The following FANCD2 variants were observed in gnomAD, a reference collection of about 807,000 sequenced individuals.
FANCD2 encodes the protein FA complementation group D2.
Under a neutral mutation model 192.3 loss-of-function variants are expected in FANCD2, and 131 were observed. The ratio of observed to expected loss-of-function variants is 0.68; its 90% CI spans 0.59 to 0.79. FANCD2 has a LOEUF of 0.79. Among genes scored for constraint, FANCD2 ranks in the 30% least tolerant of loss-of-function variants. The pLI is 0.00. For missense variants in FANCD2, 1,508 were observed against 1,701.6 expected, an observed-to-expected ratio of 0.89 and a Z score of 2.00; for synonymous variants, 524 against 612.5, an observed-to-expected ratio of 0.86 and a Z score of 2.13.
chr3:10,097,534 G>A (rs35734930), intron 42 of FANCD2, among the ~76,000 whole-genome samples: 259 of 152,278 alleles, frequency 1.7e-3, no homozygotes, highest in African/African-American at 5.9e-3. Context: ...TGTTCCGCCC[G>A]GCTCACCGGC....
intron 3 of FANCD2, among the ~76,000 whole-genome samples, chr3:10,034,074 C>G (rs2086668435): frequency 6.7e-6 from 1 of 150,158 alleles, no homozygotes; most frequent in Admixed American, 6.6e-5. Flanking sequence ...CCTGTAATCC[C>G]AGCACTTGGG....
chr3:10,070,517 C>T (rs1361294873), intron 26 of FANCD2, among the ~76,000 whole-genome samples: 1 of 119,876 alleles, frequency 8.3e-6, no homozygotes, highest in Non-Finnish European at 1.7e-5. Flanking sequence ...GGGGGTCAGC[C>T]CCCTGTCCGG....
Position 10,092,092 on chromosome 3 carries a change from T to C in FANCD2, c.3778-89T>C. On this transcript the variant is annotated intron_variant, in intron 37 of 43. Coordinates refer to ENST00000675286, the MANE Select transcript of FANCD2 (RefSeq NM_001018115.3). ...ATTGGCTTAAATATCTGTATAGCTA[T>C]GTAATTCAAGAACTATATCTTAGTG... The C allele has an allele frequency of 5.4e-6, 5 of 934,454 alleles. No homozygotes were observed. In the South Asian group the frequency reaches 6.4e-5, roughly 12 times the overall value. The allele number at this position is 934,454 out of a possible 1,614,324, so 57.9% of individuals were successfully genotyped here.
intron 35 of FANCD2, 66 bp from the exon 36 acceptor site, chr3:10,088,762 T>C (rs1694396183): frequency 6.5e-7 from 1 of 1,536,092 alleles, no homozygotes; most frequent in African/African-American, 1.4e-5. Context: ...ATAGAGGAAT[T>C]AGAGGAATCT....
chr3:10,084,399 C>G (rs4269070), intron 32 of FANCD2, among the ~76,000 whole-genome samples: 34,250 of 151,732 alleles, frequency 0.23, 4,994 homozygotes, highest in African/African-American at 0.42. Flanking sequence ...TATAAATCCT[C>G]CCACCTCAGC....
intron 25 of FANCD2, among the ~76,000 whole-genome samples, chr3:10,066,323 G>A (rs1404804933): frequency 6.6e-6 from 1 of 152,176 alleles, no homozygotes; most frequent in Admixed American, 6.5e-5. Context: ...CCATTAGAAT[G>A]TATTTGTGTT....
At position 10,074,566 on chromosome 3, in the gene FANCD2, C is replaced by G; in HGVS notation, c.2752C>G (p.Leu918Val). The G allele has an allele frequency of 6.2e-7, 1 of 1,613,810 alleles. No homozygotes were observed. Among genetic ancestry groups the G allele is most frequent in the Non-Finnish European group, 8.5e-7 (1 of 1,179,840 alleles). ...TGKEEKTSLL[L>V]HNSHAFFREL... ...GAAGGAAGAAAAGACATCATTGTTACTACATAATTCCCATGCTTTTTTCCG... is the reference window on the plus strand; with the variant it reads ...GAAGGAAGAAAAGACATCATTGTTAGTACATAATTCCCATGCTTTTTTCCG... The change falls in exon 29 of 44, where the codon CTA (leucine) becomes GTA (valine). Residue 918 changes from leucine (L) to valine (V), a missense_variant. Transcript: ENST00000675286.
chr3:10,052,308 T>TA, intron 17 of FANCD2, 79 bp from the exon 18 acceptor site: 1 of 933,012 alleles, frequency 1.1e-6, no homozygotes, highest in Non-Finnish European at 1.8e-6. Flanking sequence ...GTGTCTCTTT[T>TA]ACAGGGATTT....
chr3:10,099,033 T>G (rs1163558928), intron 43 of FANCD2: 2 of 1,608,438 alleles, frequency 1.2e-6, no homozygotes, highest in Admixed American at 3.4e-5. Flanking sequence ...TCTCGAGTTG[T>G]GGCATTTGTT....
Position 10,052,490 on chromosome 3 carries a change from A to C in FANCD2, c.1649A>C (p.His550Pro). ...AFSKQNEASSHIQDDMHLVIR... is the reference protein window; with the variant it reads ...AFSKQNEASSPIQDDMHLVIR... ...AGCAAACAGAATGAAGCCAGCAGCC[A>C]CATCCAGGTAAGAGGCAATATGTTG... is the stretch of plus-strand genomic sequence containing the variant. The change falls in exon 18 of 44, where the codon CAC becomes CCC. Residue 550 changes from histidine (H) to proline (P), a missense_variant. His to Pro is a moderately conservative substitution (Grantham distance 77). This residue lies in a region of FANCD2 where 110 missense variants were observed against 114.4 expected (regional missense o/e 0.96). Transcript: ENST00000675286. The C allele has an allele frequency of 6.2e-7, 1 of 1,608,666 alleles. No individual in the cohort carries two copies. Among genetic ancestry groups the C allele is most frequent in the Non-Finnish European group, 8.5e-7 (1 of 1,176,896 alleles).
intron 32 of FANCD2, among the ~76,000 whole-genome samples, chr3:10,081,939 T>C (rs770454845): frequency 6.6e-6 from 1 of 152,206 alleles, no homozygotes; most frequent in Non-Finnish European, 1.5e-5. Context: ...TTAAATACTT[T>C]TGTTCCTCAG....
chr3:10,036,313 G>A lies in FANCD2; in HGVS notation c.465G>A (p.Glu155=), dbSNP rs1159388519. 1 of 1,612,922 alleles carries A rather than the reference G, an allele frequency of 6.2e-7. No individual in the cohort carries two copies. Among genetic ancestry groups the A allele is most frequent in the Non-Finnish European group, 8.5e-7 (1 of 1,179,272 alleles). ...LQPAIIKTLF[E]KLPEYFFENK... ...CTGCCATTATCAAAACCTTATTTGA[G>A]AAGTTGCCAGAATATTTTTTTGAAA... The change falls in exon 7 of 44, where the codon GAG becomes GAA. Residue 155 remains glutamate, a synonymous_variant. Transcript: ENST00000675286.
At chr3:10,081,054 A>T (rs758616472) in intron 30 of FANCD2, 46 bp from the exon 31 acceptor site, 3 of 1,612,722 alleles carry the variant, frequency 1.9e-6, no homozygotes, top group Non-Finnish European at 2.5e-6. Flanking sequence ...AGTTTCTGAG[A>T]CGCTATCCAG....
chr3:10,041,716 A>G lies in FANCD2; in HGVS notation c.783+6A>G. 1 of 1,610,440 alleles carries G rather than the reference A, an allele frequency of 6.2e-7. No individual in the cohort carries two copies. The highest frequency in any genetic ancestry group is 2.2e-5 in the East Asian group (1 of 44,856). ...ACCCAAACTTCCTATTGAAGGTAGAAAAGACTCAGCTTTCCAGAAACAGAG... is the reference window on the plus strand; with the variant it reads ...ACCCAAACTTCCTATTGAAGGTAGAGAAGACTCAGCTTTCCAGAAACAGAG... On this transcript the variant is annotated splice_donor_region_variant and intron_variant, in intron 10 of 43. Coordinates refer to ENST00000675286, the MANE Select transcript of FANCD2 (RefSeq NM_001018115.3).
In FANCD2 at chr3:10,052,435, C is replaced by T; in HGVS notation, c.1594C>T (p.Leu532Phe). The T allele has an allele frequency of 6.2e-7, 1 of 1,613,266 alleles. No individual in the cohort carries two copies. The highest frequency in any genetic ancestry group is 2.2e-5 in the East Asian group (1 of 44,884). ...DNISPQQIRKLFYVLSTLAFS... is the reference protein window; with the variant it reads ...DNISPQQIRKFFYVLSTLAFS... ...CATATCCCCTCAGCAAATACGAAAACTCTTCTATGTTCTCAGCACACTGGC... is the reference window on the plus strand; with the variant it reads ...CATATCCCCTCAGCAAATACGAAAATTCTTCTATGTTCTCAGCACACTGGC... Residue 532 changes from leucine (L) to phenylalanine (F), a missense_variant, in exon 18 of 44, where the codon CTC becomes TTC. This residue lies in a region of FANCD2 where 110 missense variants were observed against 114.4 expected (regional missense o/e 0.96). Coordinates refer to ENST00000675286, the MANE Select transcript of FANCD2 (RefSeq NM_001018115.3).
intron 22 of FANCD2, 21 bp from the exon 23 acceptor site, chr3:10,064,708 G>A: frequency 1.2e-6 from 2 of 1,613,876 alleles, no homozygotes; most frequent in Non-Finnish European, 1.7e-6. Flanking sequence ...TGCAACATCA[G>A]ATTCTGGTTT....
Position 10,090,385 on chromosome 3 carries a change from GGTGA to G in FANCD2, c.3777+3_3777+6del, listed in dbSNP as rs771721585. The G allele has an allele frequency of 3.8e-6, 6 of 1,597,834 alleles. No individual in the cohort carries two copies. In the African/African-American group the frequency reaches 5.4e-5, roughly 14 times the overall value. ...CTGGCACAGCAGCAGACTCGCAGCA[GGTGA>G]GTAAGATAATAGTCACTTCAAGAAG... On this transcript the variant is annotated splice_donor_variant and splice_donor_region_variant and intron_variant, in intron 37 of 43. Coordinates refer to ENST00000675286, the MANE Select transcript of FANCD2 (RefSeq NM_001018115.3). LOFTEE classifies it high-confidence loss of function.
chr3:10,042,744 A>G, intron 11 of FANCD2, 81 bp downstream of exon 11: 1 of 1,062,572 alleles, frequency 9.4e-7, no homozygotes, highest in Admixed American at 1.7e-5. Flanking sequence ...CTAACTGAGA[A>G]TACTGACTAA....
intron 4 of FANCD2, 34 bp downstream of exon 4, chr3:10,034,570 C>T: frequency 6.4e-7 from 1 of 1,562,484 alleles, no homozygotes; most frequent in Non-Finnish European, 8.8e-7. Flanking sequence ...TTTGCTTGTG[C>T]CAGCATAACT....
Sources: allele counts gnomAD v4.1 joint callset (sites outside exome capture counted in the v4.1 genomes callset), GRCh38; gene constraint gnomAD v4.1.1; regional missense constraint gnomAD v4.1.1; transcripts MANE v1.5; gene names NCBI Gene and HGNC (gene_info 2026-07-23, HGNC 2026-07-21).